Variants in ADH4 observed in about 807,000 individuals in gnomAD.
ADH4 encodes the protein alcohol dehydrogenase 4 (class II), pi polypeptide, also known as all-trans-retinol dehydrogenase [NAD(+)] ADH4.
A neutral mutation model predicts 35.2 loss-of-function variants in ADH4; 31 were observed. The ratio of observed to expected loss-of-function variants is 0.88; its 90% confidence interval spans 0.66 to 1.19. ADH4 has a LOEUF of 1.19. Among genes scored for constraint, ADH4 ranks in the 50% most tolerant of loss-of-function variants. The pLI is 0.00. For synonymous variants in ADH4, 171 were observed against 160.2 expected, an observed-to-expected ratio of 1.07 and a Z score of -0.51; for missense variants, 476 against 458.3, an observed-to-expected ratio of 1.04 and a Z score of -0.35.
chr4:99,143,710 G>C (rs1171964324), intron 1 of ADH4, among the ~76,000 whole-genome samples: 1 of 151,942 alleles, frequency 6.6e-6, no homozygotes, highest in African/African-American at 2.4e-5. Flanking sequence ...TTAATTAACA[G>C]GAAGTTTCAA....
chr4:99,142,709 A>G lies in ADH4; in HGVS notation c.90T>C (p.Ala30=). Residue 30 remains alanine, a synonymous_variant, in exon 2 of 9, where the codon GCT becomes GCC. Transcript: ENST00000265512. ...KPLCIEEVEV[A]PPKAHEVRIQ... ...TGCGAACTTCATGAGCCTTGGGGGG[A>G]GCTACTTCAACCTCTTCAATGCAAA... The G allele has an allele frequency of 6.2e-7, 1 of 1,601,058 alleles. No individual in the cohort carries two copies. Among genetic ancestry groups the G allele is most frequent in the Non-Finnish European group, 8.5e-7 (1 of 1,175,286 alleles).
In ADH4 at chr4:99,125,616, C is replaced by T. The variant is rs1729063423; in HGVS notation, c.1118+978G>A. ...TTGCAGGGCTTATATACTAAGTTTA[C>T]ATGGTGTAGCTTAAAAAATAATGCT... On this transcript the variant is annotated intron_variant, in intron 8 of 8. Transcript: ENST00000265512. Among the ~76,000 whole-genome samples, 4 of 152,246 alleles carry T rather than the reference C, an allele frequency of 2.6e-5. No homozygotes were observed. The South Asian group carries it at 8.3e-4, about 32-fold the overall frequency.
At chr4:99,138,162 A>G (rs991333548) in intron 4 of ADH4, among the ~76,000 whole-genome samples, 4 of 152,136 alleles carry the variant, frequency 2.6e-5, no homozygotes, top group African/African-American at 9.7e-5. Context: ...GGAATATCTG[A>G]TTATCTCTTT....
At chr4:99,137,095 A>G (rs1370230432) in intron 4 of ADH4, among the ~76,000 whole-genome samples, 1 of 151,252 alleles carries the variant, frequency 6.6e-6, no homozygotes, top group East Asian at 2.0e-4. Flanking sequence ...GATTATAGGC[A>G]TGCACCACTA....
At chr4:99,137,924 CCTCT>C (rs1246752322) in intron 4 of ADH4, among the ~76,000 whole-genome samples, 4 of 143,154 alleles carry the variant, frequency 2.8e-5, no homozygotes, top group South Asian at 2.1e-4. Context: ...ATCCCTTCTC[CCTCT>C]CTTTTTCCCC....
At chr4:99,125,410 A>G (rs1729056324) in intron 8 of ADH4, among the ~76,000 whole-genome samples, 1 of 152,066 alleles carries the variant, frequency 6.6e-6, no homozygotes. Flanking sequence ...GCAATGCAGC[A>G]TTTTCCACCT....
At chr4:99,128,137 G>T (rs1729156581) in intron 6 of ADH4, among the ~76,000 whole-genome samples, 1 of 151,950 alleles carries the variant, frequency 6.6e-6, no homozygotes, top group African/African-American at 2.4e-5. Flanking sequence ...CTAATGTTTA[G>T]ACTTTAGTTA....
intron 5 of ADH4, among the ~76,000 whole-genome samples, chr4:99,132,268 C>A (rs1327903271): frequency 1.3e-5 from 2 of 152,164 alleles, no homozygotes; most frequent in Non-Finnish European, 2.9e-5. Flanking sequence ...CAGCTTCATC[C>A]CCATGATATT....
intron 8 of ADH4, among the ~76,000 whole-genome samples, chr4:99,126,222 G>A (rs29001224): frequency 0.21 from 32,050 of 152,150 alleles, 4,052 homozygotes; most frequent in Non-Finnish European, 0.29. Context: ...AAGGGTCTGG[G>A]GTAGGCACTC....
intron 6 of ADH4, among the ~76,000 whole-genome samples, chr4:99,130,514 C>A (rs1323206219): frequency 1.3e-5 from 2 of 152,126 alleles, no homozygotes; most frequent in African/African-American, 4.8e-5. Flanking sequence ...CTTTTCCTAG[C>A]TATAGAAACT....
At chr4:99,135,851 G>T (rs1167468640) in intron 5 of ADH4, among the ~76,000 whole-genome samples, 1 of 152,216 alleles carries the variant, frequency 6.6e-6, no homozygotes, top group Non-Finnish European at 1.5e-5. Flanking sequence ...ATGTCCAATT[G>T]TGAGATCCCT....
chr4:99,127,437 T>C (rs1308487339), intron 6 of ADH4, 93 bp from the exon 7 acceptor site: 2 of 1,001,352 alleles, frequency 2.0e-6, no homozygotes, highest in African/African-American at 1.6e-5. Flanking sequence ...AAAAAATTAA[T>C]CCAACTCTGC....
intron 4 of ADH4, among the ~76,000 whole-genome samples, chr4:99,137,968 C>T (rs146362914): frequency 2.0e-5 from 3 of 152,124 alleles, no homozygotes; most frequent in African/African-American, 7.2e-5. Context: ...GAAATTGAAT[C>T]ATTTGTCCTA....
At position 99,126,695 on chromosome 4, in the gene ADH4, A is replaced by G. The variant is rs112696230; in HGVS notation, c.1017T>C (p.Thr339=). ...KSVDSIPKLV[T]DYKNKKFNLD... is the part of the protein sequence containing the mutation. ...GATTGAATTTCTTATTCTTATAGTC[A>G]GTGACCAGCTTTGGGATAGAATCTA... Residue 339 remains threonine, a synonymous_variant, in exon 8 of 9, where the codon ACT becomes ACC. Coordinates refer to ENST00000265512, the MANE Select transcript of ADH4 (RefSeq NM_000670.5). The G allele has an allele frequency of 1.5e-5, 24 of 1,611,500 alleles. No homozygotes were observed. The highest frequency in any genetic ancestry group is 8.3e-5 in the Admixed American group (5 of 59,980).
chr4:99,136,726 A>G (rs1729446481), intron 4 of ADH4, 29 bp from the exon 5 acceptor site: 1 of 1,407,862 alleles, frequency 7.1e-7, no homozygotes. Flanking sequence ...GAGTGATACA[A>G]ATAAAGAGAA....
rs1353083161 is a variant in ADH4, at chr4:99,123,895, A to C, written c.*547T>G. On this transcript the variant is annotated 3_prime_UTR_variant, in exon 9 of 9. Transcript: ENST00000265512. Reference sequence around the variant, plus strand: ...AACATGTACCATGGTGCTTTGCTGCACAGATCATCTCATCACCCAGGTATG... The same window carrying C: ...AACATGTACCATGGTGCTTTGCTGCCCAGATCATCTCATCACCCAGGTATG... The C allele has an allele frequency of 6.5e-6, 1 of 154,428 alleles. No individual in the cohort carries two copies. The highest frequency in any genetic ancestry group is 1.4e-5 in the Non-Finnish European group (1 of 69,904). 9.6% of individuals were successfully genotyped at this position (154,428 alleles called of 1,614,324 possible).
At chr4:99,138,417 G>A (rs7670060) in intron 4 of ADH4, among the ~76,000 whole-genome samples, 1 of 152,042 alleles carries the variant, frequency 6.6e-6, no homozygotes, top group South Asian at 2.1e-4. Flanking sequence ...CTGTAGTCTA[G>A]TAAAGCAAAA....
At chr4:99,138,545 C>T (rs534867851) in intron 4 of ADH4, among the ~76,000 whole-genome samples, 23 of 152,250 alleles carry the variant, frequency 1.5e-4, no homozygotes, top group African/African-American at 5.1e-4. Context: ...TATTGTATCC[C>T]TCTCTCATCC....
Position 99,126,653 on chromosome 4 carries a change from G to T in ADH4, c.1059C>A (p.Thr353=), listed in dbSNP as rs1278828243. The T allele has an allele frequency of 1.1e-5, 17 of 1,611,906 alleles. No individual in the cohort carries two copies. The highest frequency in any genetic ancestry group is 1.4e-5 in the Non-Finnish European group (16 of 1,178,438). The change falls in exon 8 of 9, where the codon ACC becomes ACA. Residue 353 remains threonine, a synonymous_variant. Transcript: ENST00000265512. The part of the protein sequence containing the change: ...NKKFNLDALV[T]HTLPFDKISE... ...TGATTTTGTCAAAAGGCAGGGTATG[G>T]GTCACCAGTGCATCCAGATTGAATT...
Sources: allele counts gnomAD v4.1 joint callset (sites outside exome capture counted in the v4.1 genomes callset), GRCh38; gene constraint gnomAD v4.1.1; transcripts MANE v1.5; gene names NCBI Gene and HGNC (gene_info 2026-07-23, HGNC 2026-07-21).